Variants in GNG7 observed in about 807,000 individuals in gnomAD.
GNG7 encodes guanine nucleotide-binding protein G(I)/G(S)/G(O) subunit gamma-7.
Under a neutral mutation model 4.0 loss-of-function variants are expected in GNG7, and 1 was observed. That is an observed-to-expected ratio of 0.25 (90% CI 0.09 to 1.18). The LOEUF (loss-of-function observed/expected upper bound fraction) is 1.18. Ranked by LOEUF, GNG7 falls within the 50% of genes most tolerant of loss-of-function variation. The probability of loss-of-function intolerance (pLI) is 0.50; values close to 1 mark genes in which losing one functional copy is unlikely to be tolerated. For synonymous variants in GNG7, 34 were observed against 36.9 expected, an observed-to-expected ratio of 0.92 and a Z score of 0.29; for missense variants, 86 against 91.9, an observed-to-expected ratio of 0.94 and a Z score of 0.26.
intron 2 of GNG7, among the ~76,000 whole-genome samples, chr19:2,588,063 G>T (rs1980729945): frequency 6.6e-6 from 1 of 152,210 alleles, no homozygotes; most frequent in Non-Finnish European, 1.5e-5. Flanking sequence ...AAAGCATCCA[G>T]ATTGGAGCAA....
intron 2 of GNG7, among the ~76,000 whole-genome samples, chr19:2,602,782 C>G (rs1379533554): frequency 6.6e-6 from 1 of 152,078 alleles, no homozygotes; most frequent in Non-Finnish European, 1.5e-5. Flanking sequence ...TTCCTTCAAT[C>G]AGAATTGCCT....
At chr19:2,632,353 C>T (rs910340636) in intron 2 of GNG7, among the ~76,000 whole-genome samples, 3 of 150,830 alleles carry the variant, frequency 2.0e-5, no homozygotes, top group South Asian at 2.1e-4. Context: ...TGCTTGAACC[C>T]GGGAGGTGGA....
At chr19:2,665,635 C>T (rs115749899) in intron 1 of GNG7, among the ~76,000 whole-genome samples, 12 of 152,166 alleles carry the variant, frequency 7.9e-5, no homozygotes, top group South Asian at 2.1e-4. Context: ...TCTGACTTCA[C>T]GACTCGCTGT....
rs1568231777 is a variant in GNG7 at position 2,525,970 on chromosome 19, A to ATTTTTTTTTT, written c.-37-5246_-37-5245insAAAAAAAAAA. 6.3e-3 allele frequency among the ~76,000 whole-genome samples: 169 copies of ATTTTTTTTTT among 26,744 alleles called. 2 individuals carry two copies. Among genetic ancestry groups the ATTTTTTTTTT allele is most frequent in the African/African-American group, 0.047 (160 of 3,394 alleles). 17.5% of individuals were successfully genotyped at this position (26,744 alleles called of 152,430 possible). A position where few individuals can be genotyped will look rare whatever the true frequency, so the allele number is the denominator to read the frequency against. On this transcript the variant is annotated intron_variant, in intron 3 of 4. Transcript: ENST00000382159. Reference sequence around the variant, plus strand: ...GATTACAGGTGCCTGCCTCCACGCCAATTTTTTTTTTTTTTTTTGAGACAG... The same window carrying ATTTTTTTTTT: ...GATTACAGGTGCCTGCCTCCACGCCATTTTTTTTTTATTTTTTTTTTTTTTTTTGAGACAG...
intron 2 of GNG7, chr19:2,642,470 A>T: frequency 3.0e-6 from 1 of 330,630 alleles, no homozygotes; most frequent in South Asian, 2.5e-5. Flanking sequence ...GGCTCAAGCG[A>T]TCCTCCCACC....
chr19:2,553,661 A>G (rs1427869897), intron 3 of GNG7, among the ~76,000 whole-genome samples: 2 of 135,978 alleles, frequency 1.5e-5, no homozygotes, highest in Non-Finnish European at 3.0e-5. Flanking sequence ...ACATACATGC[A>G]CACGTTACAT....
rs900050369 is a variant in GNG7 at position 2,514,914 on chromosome 19, T to G, written c.*108A>C. The G allele has an allele frequency of 8.0e-6, 7 of 870,260 alleles. No individual in the cohort carries two copies. In the Admixed American group the frequency reaches 1.7e-4, roughly 21 times the overall value. 53.9% of individuals were successfully genotyped at this position (870,260 alleles called of 1,614,324 possible). On this transcript the variant is annotated 3_prime_UTR_variant, in exon 5 of 5. Transcript: ENST00000382159. ...AATTAAAGGTTTTGGGGACTTGAGA[T>G]GTTTTGTTTGAGCTAATTACTGAAT...
chr19:2,651,304 TC>T, intron 1 of GNG7, among the ~76,000 whole-genome samples: 14 of 52,740 alleles, frequency 2.7e-4, no homozygotes, highest in Admixed American at 1.2e-3. Flanking sequence ...CTCCCTACCT[TC>T]CCTCCATCCC....
At chr19:2,669,524 A>C (rs577648015) in intron 1 of GNG7, among the ~76,000 whole-genome samples, 2 of 152,148 alleles carry the variant, frequency 1.3e-5, no homozygotes, top group African/African-American at 4.8e-5. Flanking sequence ...CAAACAAACA[A>C]AAAAACTACC....
At position 2,557,063 on chromosome 19, in the gene GNG7, G is replaced by A. The variant is rs564505761; in HGVS notation, c.-77-1875C>T. Among the ~76,000 whole-genome samples the A allele has an allele frequency of 2.0e-4, 30 of 150,294 alleles. No individual in the cohort carries two copies. The East Asian group carries it at 5.4e-3, about 27-fold the overall frequency. ...CACGCACACTCACACACATATGCAC[G>A]CACACAGACACACGCACACACGTGC... is the stretch of plus-strand genomic sequence containing the variant. On this transcript the variant is annotated intron_variant, in intron 2 of 4. Coordinates refer to ENST00000382159, the MANE Select transcript of GNG7 (RefSeq NM_052847.3). This position sits in a 1 kb window ranked among gnomAD's most constrained non-coding sequence, Gnocchi z 5.1.
chr19:2,578,593 G>A (rs552579935), intron 2 of GNG7, among the ~76,000 whole-genome samples: 3 of 152,276 alleles, frequency 2.0e-5, no homozygotes, highest in East Asian at 1.9e-4. Context: ...TAACCAGGCC[G>A]GAGAAGCTGG....
rs1470479386 is a variant in GNG7 at position 2,514,718 on chromosome 19, T to C, written c.*304A>G. On this transcript the variant is annotated 3_prime_UTR_variant, in exon 5 of 5. Transcript: ENST00000382159. The stretch of plus-strand genomic sequence containing the variant: ...AAATTGTTACCCCATCGCTGGGGGA[T>C]TTCAGTTATTCCGAACGGGAAGTGG... 9.4e-6 allele frequency: 2 copies of C among 212,192 alleles called. No individual in the cohort carries two copies. Among genetic ancestry groups the C allele is most frequent in the Non-Finnish European group, 1.9e-5 (2 of 105,946 alleles). The allele number at this position is 212,192 out of a possible 1,614,324, so 13.1% of individuals were successfully genotyped here.
intron 3 of GNG7, among the ~76,000 whole-genome samples, chr19:2,553,663 A>G (rs1352511966): frequency 7.4e-6 from 1 of 135,910 alleles, no homozygotes; most frequent in African/African-American, 3.1e-5. Context: ...ATACATGCAC[A>G]CGTTACATGT....
chr19:2,528,747 C>A (rs950116378), intron 3 of GNG7, among the ~76,000 whole-genome samples: 1 of 152,194 alleles, frequency 6.6e-6, no homozygotes, highest in African/African-American at 2.4e-5. Flanking sequence ...GTTTCCTTCC[C>A]TCTCTGAGCC....
intron 2 of GNG7, among the ~76,000 whole-genome samples, chr19:2,583,052 T>C (rs1055359712): frequency 8.5e-5 from 13 of 152,216 alleles, no homozygotes; most frequent in Middle Eastern, 3.4e-3. Flanking sequence ...GCAATCCTCC[T>C]GCCTCAGCCT....
chr19:2,687,631 C>A (rs887604144), intron 1 of GNG7, among the ~76,000 whole-genome samples: 8 of 151,550 alleles, frequency 5.3e-5, no homozygotes, highest in Admixed American at 1.3e-4. Context: ...AACAAACAAA[C>A]AAAAAAAAGT....
chr19:2,659,692 C>T (rs969132554), intron 1 of GNG7, among the ~76,000 whole-genome samples: 14 of 120,526 alleles, frequency 1.2e-4, no homozygotes, highest in African/African-American at 3.8e-4. Flanking sequence ...GAGAGGAAAA[C>T]AGAGTGAGAG....
rs1318712361 is a variant in GNG7, at chr19:2,611,808, C to T, written c.-78+34416G>A. On this transcript the variant is annotated intron_variant, in intron 2 of 4. Coordinates refer to ENST00000382159, the MANE Select transcript of GNG7 (RefSeq NM_052847.3). This position sits in a 1 kb window ranked among gnomAD's most constrained non-coding sequence, Gnocchi z 6.0. ...CGTTGATCGCGCCACTGCTCTCCAGCCTGGGCGACAGAGGGAGATTCTGTC... is the reference window on the plus strand; with the variant it reads ...CGTTGATCGCGCCACTGCTCTCCAGTCTGGGCGACAGAGGGAGATTCTGTC... 6.6e-6 allele frequency: 1 copy of T among 152,086 alleles called. No homozygotes were observed. Among genetic ancestry groups the T allele is most frequent in the Non-Finnish European group, 1.5e-5 (1 of 68,014 alleles). 9.4% of individuals were successfully genotyped at this position (152,086 alleles called of 1,614,324 possible).
At chr19:2,536,820 G>T (rs956766240) in intron 3 of GNG7, among the ~76,000 whole-genome samples, 2 of 152,160 alleles carry the variant, frequency 1.3e-5, no homozygotes, top group Non-Finnish European at 2.9e-5. Flanking sequence ...GGCCACCCTG[G>T]GTTCTCGGGA....
Sources: gnomAD v4.1 joint callset for allele counts (sites outside exome capture counted in the v4.1 genomes callset) on GRCh38, gnomAD v4.1.1 for gene constraint, Gnocchi (gnomAD v3.1) non-coding constraint, MANE v1.5 for transcripts, NCBI Gene and HGNC (gene_info 2026-07-23, HGNC 2026-07-21) for gene names.